The following OS9 variants were observed in gnomAD, a reference collection of about 807,000 sequenced individuals.
OS9 encodes protein OS-9.
In OS9, 58 loss-of-function variants were observed where a neutral mutation model predicts 84.7. That is an observed-to-expected ratio of 0.68 (90% confidence interval 0.55 to 0.85). The LOEUF is 0.85. Among genes scored for constraint, OS9 ranks in the 40% least tolerant of loss-of-function variants. OS9 has a pLI of 0.00. For synonymous variants in OS9, 278 were observed against 320.8 expected, an observed-to-expected ratio of 0.87 and a Z score of 1.43; for missense variants, 760 against 850.9, an observed-to-expected ratio of 0.89 and a Z score of 1.33.
chr12:57,694,489 CTG>C (rs1491373058), intron 1 of OS9, among the ~76,000 whole-genome samples, 166 bp downstream of exon 1: 16 of 152,242 alleles, frequency 1.1e-4, no homozygotes, highest in Non-Finnish European at 5.9e-5. Flanking sequence ...GACCAATTCT[CTG>C]GGGGCCAGGA....
rs1416350462 is a variant in OS9, at chr12:57,720,515, C to G, written c.1875C>G (p.Ile625Met). 1 of 1,604,582 alleles carries G rather than the reference C, an allele frequency of 6.2e-7. No individual in the cohort carries two copies. Among genetic ancestry groups the G allele is most frequent in the Admixed American group, 1.7e-5 (1 of 60,014 alleles). Reference protein sequence around the residue: ...TRNLKEIFFNILVPGAEEAQK... With the variant: ...TRNLKEIFFNMLVPGAEEAQK... ...ACCTCAAGGAGATCTTCTTCAATATCTTGGTAAGAGGCTTCTACCCCCGAG... is the reference window on the plus strand; with the variant it reads ...ACCTCAAGGAGATCTTCTTCAATATGTTGGTAAGAGGCTTCTACCCCCGAG... The change falls in exon 14 of 15, where the codon ATC becomes ATG. Residue 625 changes from isoleucine to methionine, a missense_variant. Physicochemically the swap from Ile to Met is conservative, Grantham distance 10. Coordinates refer to ENST00000315970, the MANE Select transcript of OS9 (RefSeq NM_006812.4).
intron 5 of OS9, among the ~76,000 whole-genome samples, chr12:57,710,560 G>A (rs1363085693): frequency 2.0e-5 from 3 of 151,810 alleles, no homozygotes; most frequent in East Asian, 3.9e-4. Flanking sequence ...TCAACTTCTT[G>A]AAATGAATGC....
chr12:57,705,894 A>G (rs1311048617), intron 5 of OS9, among the ~76,000 whole-genome samples: 2 of 152,186 alleles, frequency 1.3e-5, no homozygotes, highest in African/African-American at 4.8e-5. Context: ...TCTTACACTC[A>G]GCAACTCTTT....
intron 10 of OS9, 25 bp downstream of exon 10, chr12:57,717,983 G>C (rs377616548): frequency 3.2e-6 from 5 of 1,586,306 alleles, no homozygotes; most frequent in Non-Finnish European, 2.6e-6. Context: ...TAGGGAATGG[G>C]TAGAACCCAC....
At chr12:57,707,239 T>C (rs186295679) in intron 5 of OS9, among the ~76,000 whole-genome samples, 1 of 152,348 alleles carries the variant, frequency 6.6e-6, no homozygotes, top group African/African-American at 2.4e-5. Flanking sequence ...CTGTTGTTCA[T>C]TTAGTATTTC....
chr12:57,703,407 T>C (rs1954079037), intron 5 of OS9, among the ~76,000 whole-genome samples: 1 of 152,144 alleles, frequency 6.6e-6, no homozygotes, highest in Non-Finnish European at 1.5e-5. Context: ...GCTGCTGATT[T>C]TGAGTTAATT....
At chr12:57,694,664 C>T in intron 1 of OS9, 86 bp from the exon 2 acceptor site, 1 of 1,355,924 alleles carries the variant, frequency 7.4e-7, no homozygotes, top group South Asian at 1.2e-5. Flanking sequence ...GATCTCTTCC[C>T]CAGGGTTTGA....
intron 1 of OS9, 49 bp downstream of exon 1, chr12:57,694,372 AAGAGAT>A (rs1953758940): frequency 6.3e-7 from 1 of 1,596,878 alleles, no homozygotes; most frequent in South Asian, 1.1e-5. Context: ...GGAAGCGGGT[AAGAGAT>A]AGAGGAAGAA....
intron 5 of OS9, among the ~76,000 whole-genome samples, chr12:57,707,151 T>G (rs1018343587): frequency 6.6e-6 from 1 of 152,172 alleles, no homozygotes; most frequent in African/African-American, 2.4e-5. Flanking sequence ...GCCTTTTCTC[T>G]TTTTTCTTGA....
At chr12:57,720,683 A>G (rs1319852425) in intron 14 of OS9, 101 bp from the exon 15 acceptor site, 2 of 1,430,518 alleles carry the variant, frequency 1.4e-6, no homozygotes, top group African/African-American at 1.4e-5. Flanking sequence ...CCCTCAGGAC[A>G]TGGGTGTCCT....
chr12:57,702,326 C>T (rs1954050544), intron 5 of OS9, among the ~76,000 whole-genome samples: 1 of 152,246 alleles, frequency 6.6e-6, no homozygotes, highest in Admixed American at 6.5e-5. Flanking sequence ...TGAGTGAAAT[C>T]ATACAAGATT....
chr12:57,708,382 A>G (rs1462837854), intron 5 of OS9, among the ~76,000 whole-genome samples: 2 of 152,166 alleles, frequency 1.3e-5, no homozygotes, highest in Non-Finnish European at 2.9e-5. Context: ...CTGTAATCCT[A>G]GCACTTTGGG....
chr12:57,714,145 C>T (rs1954413127), intron 5 of OS9, among the ~76,000 whole-genome samples: 1 of 151,688 alleles, frequency 6.6e-6, no homozygotes, highest in Admixed American at 6.6e-5. Flanking sequence ...CTTGAGTAAA[C>T]ATTTCTTCAT....
intron 7 of OS9, 68 bp from the exon 8 acceptor site, chr12:57,716,344 A>C: frequency 7.6e-7 from 1 of 1,323,944 alleles, no homozygotes; most frequent in Non-Finnish European, 1.1e-6. Context: ...AAGGGACCCC[A>C]TCCTATTTGC....
At chr12:57,719,953 CAT>C in intron 12 of OS9, 144 bp from the exon 13 acceptor site, 1 of 735,472 alleles carries the variant, frequency 1.4e-6, no homozygotes, top group Non-Finnish European at 2.3e-6. Flanking sequence ...GCGGGGCACA[CAT>C]TTTTTTGAGC....
chr12:57,703,867 G>A (rs1337133879), intron 5 of OS9, among the ~76,000 whole-genome samples: 1 of 152,022 alleles, frequency 6.6e-6, no homozygotes, highest in African/African-American at 2.4e-5. Context: ...TGAAAAGAAT[G>A]GCTGTCCTTG....
intron 5 of OS9, 79 bp downstream of exon 5, chr12:57,696,452 CGG>C: frequency 3.3e-3 from 41 of 12,576 alleles, no homozygotes; most frequent in Non-Finnish European, 9.5e-3. Context: ...ATCTTATAGT[CGG>C]GGCGGGGGCG....
chr12:57,715,705 A>AG (rs1388650715), intron 5 of OS9, 55 bp from the exon 6 acceptor site: 2 of 1,344,960 alleles, frequency 1.5e-6, no homozygotes, highest in Non-Finnish European at 2.1e-6. Context: ...TGCTCTAATA[A>AG]CTAAAGCAAA....
chr12:57,714,106 G>GA (rs759134803), intron 5 of OS9, among the ~76,000 whole-genome samples: 129 of 137,364 alleles, frequency 9.4e-4, no homozygotes, highest in African/African-American at 1.6e-3. Flanking sequence ...GACCCTGTCT[G>GA]AAAAAAAAAA....
Sources: allele counts gnomAD v4.1 joint callset (sites outside exome capture counted in the v4.1 genomes callset), GRCh38; gene constraint gnomAD v4.1.1; transcripts MANE v1.5; gene names NCBI Gene and HGNC (gene_info 2026-07-23, HGNC 2026-07-21).